The following RBFOX1 variants were observed in gnomAD, a reference collection of about 807,000 sequenced individuals.
RBFOX1 encodes RNA binding fox-1 homolog 1.
A neutral mutation model predicts 57.7 loss-of-function variants in RBFOX1; 8 were observed. The observed-to-expected ratio is 0.14, with a 90% CI of 0.08 to 0.25. The LOEUF (loss-of-function observed/expected upper bound fraction) is 0.25, where lower values mean the gene tolerates loss of function less well. RBFOX1 is among the 10% of genes least tolerant of loss of function. The pLI is 1.00. For synonymous variants in RBFOX1, 326 were observed against 222.4 expected (o/e 1.47, Z -4.15); for missense variants, 611 against 548.5 (o/e 1.11, Z -1.14).
At chr16:7,527,105 G>A (rs1315004823) in intron 5 of RBFOX1, among the ~76,000 whole-genome samples, 2 of 152,162 alleles carry the variant, frequency 1.3e-5, no homozygotes, top group Admixed American at 1.3e-4. Flanking sequence ...ATGTTTCGGT[G>A]GCTTCAAAAT....
chr16:5,714,640 C>T (rs2051620160), intron 3 of RBFOX1, among the ~76,000 whole-genome samples: 1 of 152,108 alleles, frequency 6.6e-6, no homozygotes, highest in Non-Finnish European at 1.5e-5. Context: ...GAAAGATGTG[C>T]TTAGTAACGG....
chr16:6,863,846 A>G (rs2059446375), intron 3 of RBFOX1, among the ~76,000 whole-genome samples: 1 of 151,248 alleles, frequency 6.6e-6, no homozygotes, highest in Admixed American at 6.6e-5. Context: ...GGTAACCAGA[A>G]ACAAATACCA....
chr16:6,717,556 T>C (rs911673128), intron 3 of RBFOX1, among the ~76,000 whole-genome samples: 4 of 151,770 alleles, frequency 2.6e-5, no homozygotes, highest in African/African-American at 9.7e-5. Context: ...TGAATTAAGA[T>C]AGCCTGTGAG....
chr16:5,496,489 TCA>T (rs1480308285), intron 2 of RBFOX1, among the ~76,000 whole-genome samples: 1 of 152,154 alleles, frequency 6.6e-6, no homozygotes, highest in East Asian at 1.9e-4. Context: ...GTCTCTCTAG[TCA>T]CATCTTCTTT....
intron 4 of RBFOX1, among the ~76,000 whole-genome samples, chr16:7,306,888 C>T (rs1347448683): frequency 6.6e-6 from 1 of 152,036 alleles, no homozygotes; most frequent in East Asian, 1.9e-4. Flanking sequence ...ATATCTTGTA[C>T]CCAGACACCA....
At chr16:6,300,436 C>T (rs750755765) in intron 1 of RBFOX1, among the ~76,000 whole-genome samples, 20 of 152,182 alleles carry the variant, frequency 1.3e-4, no homozygotes, top group Non-Finnish European at 2.2e-4. Context: ...TAAATATACA[C>T]AATTTTTGTC....
At chr16:5,646,402 G>A (rs1043594370) in intron 3 of RBFOX1, among the ~76,000 whole-genome samples, 1 of 152,098 alleles carries the variant, frequency 6.6e-6, no homozygotes, top group African/African-American at 2.4e-5. Context: ...GCCTCCTAAA[G>A]TGCTGGGATT....
intron 1 of RBFOX1, among the ~76,000 whole-genome samples, chr16:6,101,954 G>A (rs1348777725): frequency 1.3e-5 from 2 of 152,100 alleles, no homozygotes; most frequent in African/African-American, 4.8e-5. Flanking sequence ...GCTCTCGGAG[G>A]CCCAGGGTGG....
At chr16:7,140,387 G>A (rs1399220801) in intron 4 of RBFOX1, among the ~76,000 whole-genome samples, 1 of 139,166 alleles carries the variant, frequency 7.2e-6, no homozygotes, top group Non-Finnish European at 1.5e-5. Context: ...TTCATTTTCT[G>A]TGCCACTTCG....
At chr16:5,780,603 T>C (rs1409547937) in intron 3 of RBFOX1, among the ~76,000 whole-genome samples, 1 of 152,184 alleles carries the variant, frequency 6.6e-6, no homozygotes, top group Non-Finnish European at 1.5e-5. Context: ...CAATGTTGAA[T>C]TTCCTGGGGA....
chr16:7,689,722 T>C (rs1215120369), intron 14 of RBFOX1, among the ~76,000 whole-genome samples: 2 of 151,572 alleles, frequency 1.3e-5, no homozygotes. Context: ...CAAAGAAAAA[T>C]GGAAAAACCC....
intron 3 of RBFOX1, among the ~76,000 whole-genome samples, chr16:6,844,886 G>A (rs190327900): frequency 2.3e-3 from 350 of 152,288 alleles, no homozygotes; most frequent in African/African-American, 8.2e-3. Flanking sequence ...TCTGACTGGT[G>A]TGAGATGGTA....
chr16:5,771,752 C>A (rs964638012), intron 3 of RBFOX1, among the ~76,000 whole-genome samples: 1 of 152,148 alleles, frequency 6.6e-6, no homozygotes, highest in African/African-American at 2.4e-5. Context: ...AATGTCCAAT[C>A]TGAAATTTAA....
chr16:5,859,922 G>A (rs1376094576), intron 3 of RBFOX1, among the ~76,000 whole-genome samples: 1 of 152,152 alleles, frequency 6.6e-6, no homozygotes, highest in Non-Finnish European at 1.5e-5. Flanking sequence ...CAGTTGACTG[G>A]CACATTGGTC....
chr16:6,759,237 A>AC (rs1384530537), intron 3 of RBFOX1, among the ~76,000 whole-genome samples: 1 of 149,934 alleles, frequency 6.7e-6, no homozygotes, highest in Non-Finnish European at 1.5e-5. Context: ...TGGAACCTCC[A>AC]CCTCCTGGGT....
At chr16:6,339,180 A>C (rs538802160) in intron 2 of RBFOX1, among the ~76,000 whole-genome samples, 1 of 152,362 alleles carries the variant, frequency 6.6e-6, no homozygotes, top group Non-Finnish European at 1.5e-5. Flanking sequence ...AGGAAGGCCA[A>C]GTTGACAGAG....
At chr16:5,628,400 A>C (rs1474173855) in intron 3 of RBFOX1, among the ~76,000 whole-genome samples, 2 of 152,182 alleles carry the variant, frequency 1.3e-5, no homozygotes, top group South Asian at 2.1e-4. Flanking sequence ...TTGAAAGCTC[A>C]GTCAAAAGGA....
chr16:5,673,538 T>C (rs1567378708), intron 3 of RBFOX1, among the ~76,000 whole-genome samples: 1 of 152,212 alleles, frequency 6.6e-6, no homozygotes, highest in Admixed American at 6.5e-5. Context: ...AAGGTTGACG[T>C]CAGTGTCACT....
chr16:5,899,585 A>G (rs2152176595), intron 4 of RBFOX1, among the ~76,000 whole-genome samples: 1 of 152,290 alleles, frequency 6.6e-6, no homozygotes, highest in African/African-American at 2.4e-5. Flanking sequence ...TTGAGCAAAA[A>G]GAGGAAGTAG....
Sources: gnomAD v4.1 joint callset for allele counts (sites outside exome capture counted in the v4.1 genomes callset) on GRCh38, gnomAD v4.1.1 for gene constraint, MANE v1.5 for transcripts, NCBI Gene and HGNC (gene_info 2026-07-23, HGNC 2026-07-21) for gene names.